PTPRD: variants seen among roughly 807,000 people sequenced by gnomAD.
The protein encoded by PTPRD is protein tyrosine phosphatase receptor type D.
PTPRD carries 34 observed loss-of-function variants against 214.5 expected under a neutral mutation model. The observed-to-expected ratio is 0.16, with a 90% CI of 0.12 to 0.21. The LOEUF is 0.21. PTPRD is among the 10% of genes least tolerant of loss of function. The pLI, the probability that PTPRD is intolerant of heterozygous loss-of-function variation, is 1.00. For synonymous variants in PTPRD, 1,128 were observed against 845.7 expected (o/e 1.33, Z -5.79); for missense variants, 2,545 against 2,398.7 (o/e 1.06, Z -1.27).
chr9:8,623,059 G>A (rs904448917), intron 14 of PTPRD, among the ~76,000 whole-genome samples: 3 of 151,902 alleles, frequency 2.0e-5, no homozygotes, highest in African/African-American at 7.2e-5. Flanking sequence ...ACTCAGGTGG[G>A]AAGATCCCTT....
intron 14 of PTPRD, among the ~76,000 whole-genome samples, chr9:8,630,214 G>C (rs1011118457): frequency 1.3e-5 from 2 of 151,730 alleles, no homozygotes; most frequent in African/African-American, 4.8e-5. Flanking sequence ...GAGGCCACTG[G>C]ACGAAAAGTG....
chr9:8,331,531 ATGAAGAAAC>A lies in PTPRD; in HGVS notation c.5534+42_5534+50del, dbSNP rs1563994881. 1.3e-6 allele frequency: 2 copies of A among 1,551,890 alleles called. 1 individual carries two copies. Among genetic ancestry groups the A allele is most frequent in the South Asian group, 2.5e-5 (2 of 79,432 alleles). ...TTACTACAAAAAGTGTATACAGACA[ATGAAGAAAC>A]ACCACCACTTATCACTGCTTTATTC... On this transcript the variant is annotated intron_variant, in intron 44 of 45. Coordinates refer to ENST00000381196, the MANE Select transcript of PTPRD (RefSeq NM_002839.4).
intron 3 of PTPRD, among the ~76,000 whole-genome samples, chr9:10,179,313 C>T (rs890368528): frequency 1.3e-5 from 2 of 151,804 alleles, no homozygotes; most frequent in African/African-American, 4.8e-5. Flanking sequence ...ATAGAAAGCA[C>T]AAATATCAAA....
intron 12 of PTPRD, among the ~76,000 whole-genome samples, chr9:8,719,568 T>C (rs2098470377): frequency 6.6e-6 from 1 of 152,232 alleles, no homozygotes; most frequent in South Asian, 2.1e-4. Flanking sequence ...ACTAGGACTC[T>C]TGAACAATCT....
At chr9:10,075,645 A>G (rs1027047077) in intron 3 of PTPRD, among the ~76,000 whole-genome samples, 3 of 151,892 alleles carry the variant, frequency 2.0e-5, no homozygotes, top group African/African-American at 7.3e-5. Flanking sequence ...CAATGAATAC[A>G]TCATTTTTTT....
intron 14 of PTPRD, among the ~76,000 whole-genome samples, chr9:8,586,094 G>T (rs2093632016): frequency 6.6e-6 from 1 of 152,318 alleles, no homozygotes; most frequent in Non-Finnish European, 1.5e-5. Context: ...AAGGTCAGGA[G>T]ATAGAGACCA....
intron 12 of PTPRD, among the ~76,000 whole-genome samples, chr9:8,721,205 GA>G (rs2098492314): frequency 6.6e-6 from 1 of 151,944 alleles, no homozygotes; most frequent in Non-Finnish European, 1.5e-5. Context: ...GAGGCAGGGG[GA>G]TCATCTGAGG....
Position 9,574,970 on chromosome 9 carries a change from C to T in PTPRD, c.-286-189G>A, listed in dbSNP as rs141917532. 3.3e-3 allele frequency among the ~76,000 whole-genome samples: 504 copies of T among 152,180 alleles called. 2 individuals are homozygous for T. The highest frequency in any genetic ancestry group is 5.2e-3 in the Non-Finnish European group (353 of 67,988). ...GCATTACCAGTTACTCATCTTACAT[C>T]AAAGTATTGTGATTTGGGCTCTTTA... On this transcript the variant is annotated intron_variant, in intron 7 of 45. Coordinates refer to ENST00000381196, the MANE Select transcript of PTPRD (RefSeq NM_002839.4).
chr9:8,364,359 G>A (rs2079246405), intron 39 of PTPRD, among the ~76,000 whole-genome samples: 9 of 152,284 alleles, frequency 5.9e-5, no homozygotes, highest in Admixed American at 3.9e-4. Context: ...TTTTTATTTC[G>A]GTTCCAGCAG....
chr9:10,293,089 T>C (rs919052065), intron 3 of PTPRD, among the ~76,000 whole-genome samples: 5 of 151,936 alleles, frequency 3.3e-5, no homozygotes, highest in African/African-American at 4.8e-5. Flanking sequence ...ACTTTAAATA[T>C]TATAATTTCA....
At chr9:8,771,829 A>G (rs577141921) in intron 11 of PTPRD, among the ~76,000 whole-genome samples, 61 of 152,254 alleles carry the variant, frequency 4.0e-4, no homozygotes, top group African/African-American at 1.4e-3. Context: ...TAAAAAAAAA[A>G]AAAAAATTCA....
chr9:9,858,689 T>C (rs1057336031), intron 5 of PTPRD, among the ~76,000 whole-genome samples: 8 of 152,090 alleles, frequency 5.3e-5, no homozygotes, highest in Non-Finnish European at 1.0e-4. Flanking sequence ...AAATTAAGAA[T>C]GATATAATGA....
intron 10 of PTPRD, among the ~76,000 whole-genome samples, chr9:9,158,594 C>G (rs2099883429): frequency 6.6e-6 from 1 of 151,864 alleles, no homozygotes; most frequent in South Asian, 2.1e-4. Flanking sequence ...AGTGAGACTC[C>G]ATCTCGAAAA....
At chr9:8,992,616 T>C (rs1033578528) in intron 11 of PTPRD, among the ~76,000 whole-genome samples, 2 of 152,202 alleles carry the variant, frequency 1.3e-5, no homozygotes, top group Non-Finnish European at 2.9e-5. Context: ...CATCGATTAC[T>C]ATAAAATAAT....
chr9:10,551,562 A>G (rs2061365113), intron 2 of PTPRD, among the ~76,000 whole-genome samples: 1 of 152,146 alleles, frequency 6.6e-6, no homozygotes, highest in South Asian at 2.1e-4. Context: ...GGCCCTAAAG[A>G]GCTGCCTTGC....
intron 10 of PTPRD, among the ~76,000 whole-genome samples, chr9:9,155,375 A>T (rs1417073405): frequency 6.6e-6 from 1 of 152,178 alleles, no homozygotes; most frequent in Non-Finnish European, 1.5e-5. Context: ...AGAATACAAG[A>T]GTAAGAAATG....
chr9:9,911,653 T>C (rs1357747056), intron 5 of PTPRD, among the ~76,000 whole-genome samples: 1 of 152,140 alleles, frequency 6.6e-6, no homozygotes, highest in East Asian at 1.9e-4. Context: ...CTTTTATATT[T>C]CCCTTTAGAT....
chr9:9,847,534 TCA>T (rs370747282), intron 5 of PTPRD, among the ~76,000 whole-genome samples: 13 of 152,120 alleles, frequency 8.5e-5, no homozygotes, highest in African/African-American at 2.7e-4. Context: ...ATATGCACAG[TCA>T]CCCCACTTTT....
intron 14 of PTPRD, among the ~76,000 whole-genome samples, chr9:8,563,047 G>A (rs1279963584): frequency 6.6e-6 from 1 of 151,972 alleles, no homozygotes; most frequent in Non-Finnish European, 1.5e-5. Flanking sequence ...AATACCATTT[G>A]GCAATAAATA....
Sources: gnomAD v4.1 joint callset for allele counts (sites outside exome capture counted in the v4.1 genomes callset) on GRCh38, gnomAD v4.1.1 for gene constraint, MANE v1.5 for transcripts, NCBI Gene and HGNC (gene_info 2026-07-23, HGNC 2026-07-21) for gene names.